The following ZBTB7A variants were observed in gnomAD, a reference collection of about 807,000 sequenced individuals.
The protein encoded by ZBTB7A is zinc finger and BTB domain containing 7A.
A neutral mutation model predicts 26.7 loss-of-function variants in ZBTB7A; 7 were observed. That is an observed-to-expected ratio of 0.26 (90% CI 0.15 to 0.49). ZBTB7A has a LOEUF of 0.49. Ranked by LOEUF, ZBTB7A falls within the 20% of genes least tolerant of loss-of-function variation. The pLI is 0.98. For missense variants in ZBTB7A, 617 were observed against 919.5 expected, an observed-to-expected ratio of 0.67 and a Z score of 4.25; for synonymous variants, 452 against 441.0, an observed-to-expected ratio of 1.02 and a Z score of -0.31.
intron 1 of ZBTB7A, chr19:4,062,891 G>A: frequency 6.5e-6 from 1 of 152,994 alleles, no homozygotes; most frequent in Non-Finnish European, 1.5e-5. Flanking sequence ...CAACACTCTA[G>A]GGCTGATGAC....
In ZBTB7A at chr19:4,054,874, C is replaced by G. The variant is rs2040559693; in HGVS notation, c.359G>C (p.Ser120Thr). 1.9e-6 allele frequency: 3 copies of G among 1,610,336 alleles called. No individual in the cohort carries two copies. Among genetic ancestry groups the G allele is most frequent in the East Asian group, 2.2e-5 (1 of 44,740 alleles). Residue 120 changes from serine to threonine, a missense_variant, in exon 2 of 3, where the codon AGC becomes ACC. Physicochemically the swap from Ser to Thr is moderately conservative, Grantham distance 58 (BLOSUM62 1). Transcript: ENST00000322357. ...GTCCAGGAGGTCGGCGCACACGTGG[C>G]TCACGGCGGGGATCTCCAGCAGGCG... The part of the protein sequence containing the change: ...AARLLEIPAV[S>T]HVCADLLDRQ...
intron 1 of ZBTB7A, chr19:4,065,440 G>C (rs1297277546): frequency 6.8e-6 from 1 of 146,476 alleles, no homozygotes; most frequent in African/African-American, 2.5e-5. Context: ...CTCCTTCCCG[G>C]GGCAGCGGCG....
In ZBTB7A at chr19:4,048,786, G is replaced by C. The variant is rs2040457807; in HGVS notation, c.1263-542C>G. On this transcript the variant is annotated intron_variant, in intron 2 of 2. Transcript: ENST00000322357. This position sits in a 1 kb window ranked among gnomAD's most constrained non-coding sequence, Gnocchi z 6.7. Reference sequence around the variant, plus strand: ...GAGGATCACTTGTATCTGGGAGGTGGAGGTTGCAGTGAAACTCCGTCTCAA... The same window carrying C: ...GAGGATCACTTGTATCTGGGAGGTGCAGGTTGCAGTGAAACTCCGTCTCAA... 6.6e-6 allele frequency among the ~76,000 whole-genome samples: 1 copy of C among 152,020 alleles called. No individual in the cohort carries two copies. The highest frequency in any genetic ancestry group is 3.4e-3 in the Middle Eastern group (1 of 294).
rs551561293 is a variant in ZBTB7A, at chr19:4,048,452, G to C, written c.1263-208C>G. 6.6e-6 allele frequency among the ~76,000 whole-genome samples: 1 copy of C among 152,298 alleles called. No individual in the cohort carries two copies. Among genetic ancestry groups the C allele is most frequent in the East Asian group, 1.9e-4 (1 of 5,172 alleles). Reference sequence around the variant, plus strand: ...TTCGCATTCTGAACATCTAAAGAGGGCCTCGGACCCTGAGTGCTGTGTGGC... The same window carrying C: ...TTCGCATTCTGAACATCTAAAGAGGCCCTCGGACCCTGAGTGCTGTGTGGC... On this transcript the variant is annotated intron_variant, in intron 2 of 2. Transcript: ENST00000322357. This position sits in a 1 kb window ranked among gnomAD's most constrained non-coding sequence, Gnocchi z 6.7.
At chr19:4,049,358 G>A (rs559377722) in intron 2 of ZBTB7A, among the ~76,000 whole-genome samples, 5 of 150,374 alleles carry the variant, frequency 3.3e-5, no homozygotes, top group Admixed American at 1.3e-4. Flanking sequence ...CCCTACCACA[G>A]AAGGAGACAG....
Position 4,044,299 on chromosome 19 carries a change from C to A in ZBTB7A, c.*3453G>T, listed in dbSNP as rs1158447493. ...TCGAGCCTGCCTGGCTGCAGGTCCA[C>A]ACCCATGCCAGGCCGGGCCTGCTCC... On this transcript the variant is annotated 3_prime_UTR_variant, in exon 3 of 3. Transcript: ENST00000322357. 1 of 152,012 alleles carries A rather than the reference C, an allele frequency of 6.6e-6. No homozygotes were observed. The highest frequency in any genetic ancestry group is 1.5e-5 in the Non-Finnish European group (1 of 67,986). The allele number at this position is 152,012 out of a possible 1,614,324, so 9.4% of individuals were successfully genotyped here.
chr19:4,046,277 G>A lies in ZBTB7A; in HGVS notation c.*1475C>T. The stretch of plus-strand genomic sequence containing the variant: ...GGGCGTCTCCCAGGTCCCCTGCGAT[G>A]GCTTCCTCCTGAACCCCCCTTCTCG... On this transcript the variant is annotated 3_prime_UTR_variant, in exon 3 of 3. Coordinates refer to ENST00000322357, the MANE Select transcript of ZBTB7A (RefSeq NM_015898.4). The A allele has an allele frequency of 2.6e-6, 1 of 390,942 alleles. No homozygotes were observed. The highest frequency in any genetic ancestry group is 4.5e-6 in the Non-Finnish European group (1 of 221,810). 24.2% of individuals were successfully genotyped at this position (390,942 alleles called of 1,614,324 possible).
chr19:4,059,500 A>G (rs536690966), intron 1 of ZBTB7A, among the ~76,000 whole-genome samples: 1 of 152,230 alleles, frequency 6.6e-6, no homozygotes, highest in East Asian at 1.9e-4. Flanking sequence ...TCAGCCAAGG[A>G]AAGCCCCCGT....
At chr19:4,051,106 A>G (rs2040500438) in intron 2 of ZBTB7A, among the ~76,000 whole-genome samples, 1 of 148,742 alleles carries the variant, frequency 6.7e-6, no homozygotes, top group Non-Finnish European at 1.5e-5. Context: ...CAAAAAAAAA[A>G]AAAAAAAAAA....
At position 4,045,836 on chromosome 19, in the gene ZBTB7A, G is replaced by A. The variant is rs919491658; in HGVS notation, c.*1916C>T. Reference sequence around the variant, plus strand: ...GGGCCTTGTGGGAGCCAGAGGTTGGGGGGAGGCAGGTCCCAGTCCCCCTGG... The same window carrying A: ...GGGCCTTGTGGGAGCCAGAGGTTGGAGGGAGGCAGGTCCCAGTCCCCCTGG... On this transcript the variant is annotated 3_prime_UTR_variant, in exon 3 of 3. Transcript: ENST00000322357. The surrounding 1 kb of genome is among the most constrained non-coding windows in gnomAD (Gnocchi z 4.1). 7 of 398,676 alleles carry A rather than the reference G, an allele frequency of 1.8e-5. No individual in the cohort carries two copies. Among genetic ancestry groups the A allele is most frequent in the East Asian group, 3.6e-5 (1 of 28,066 alleles). The allele number at this position is 398,676 out of a possible 1,614,324, so 24.7% of individuals were successfully genotyped here.
intron 1 of ZBTB7A, among the ~76,000 whole-genome samples, chr19:4,058,363 A>G (rs1213658981): frequency 6.6e-6 from 1 of 152,110 alleles, no homozygotes; most frequent in Non-Finnish European, 1.5e-5. Context: ...CAGTCTCCCT[A>G]TCTGTCAAAT....
At chr19:4,065,390 C>T (rs2040684656) in intron 1 of ZBTB7A, 2 of 145,086 alleles carry the variant, frequency 1.4e-5, no homozygotes, top group Admixed American at 6.8e-5. Context: ...CCGCCCGGCC[C>T]GCGGTCCCCC....
chr19:4,050,835 AC>A (rs1488352801), intron 2 of ZBTB7A, among the ~76,000 whole-genome samples: 2 of 152,060 alleles, frequency 1.3e-5, no homozygotes, highest in Non-Finnish European at 2.9e-5. Flanking sequence ...ATGGTGGCTC[AC>A]ACCTGTAACC....
rs2040437886 is a variant in ZBTB7A, at chr19:4,047,630, G to T, written c.*122C>A. On this transcript the variant is annotated 3_prime_UTR_variant, in exon 3 of 3. Coordinates refer to ENST00000322357, the MANE Select transcript of ZBTB7A (RefSeq NM_015898.4). Reference sequence around the variant, plus strand: ...ATATATATCTGTATATATATATATAGATATAGATATCTGTATATAGATAGA... The same window carrying T: ...ATATATATCTGTATATATATATATATATATAGATATCTGTATATAGATAGA... 1.5e-5 allele frequency: 12 copies of T among 815,478 alleles called. No homozygotes were observed. The highest frequency in any genetic ancestry group is 2.0e-5 in the South Asian group (1 of 49,868). 50.5% of individuals were successfully genotyped at this position (815,478 alleles called of 1,614,324 possible).
intron 1 of ZBTB7A, among the ~76,000 whole-genome samples, chr19:4,064,373 A>G (rs1197559836): frequency 6.6e-6 from 1 of 152,150 alleles, no homozygotes; most frequent in East Asian, 1.9e-4. Flanking sequence ...GGCTGGTGGT[A>G]AACAGAGGCC....
At position 4,054,522 on chromosome 19, in the gene ZBTB7A, G is replaced by T. The variant is rs1204546080; in HGVS notation, c.711C>A (p.Gly237=). ...ERPPTGDGDE[G]DSNPGLWPER... ...CTGGCCACAGACCCGGGTTGCTGTC[G>T]CCCTCGTCCCCGTCCCCCGTCGGGG... Residue 237 remains glycine, a synonymous_variant, in exon 2 of 3, where the codon GGC becomes GGA. Coordinates refer to ENST00000322357, the MANE Select transcript of ZBTB7A (RefSeq NM_015898.4). The T allele has an allele frequency of 3.5e-6, 5 of 1,433,274 alleles. No individual in the cohort carries two copies. The highest frequency in any genetic ancestry group is 4.5e-6 in the Non-Finnish European group (5 of 1,103,852). 88.8% of individuals were successfully genotyped at this position (1,433,274 alleles called of 1,614,324 possible). A position where few individuals can be genotyped will look rare whatever the true frequency, so the allele number is the denominator to read the frequency against.
At chr19:4,049,211 T>TATATATATATATATATATATATATATATA (rs1265213875) in intron 2 of ZBTB7A, among the ~76,000 whole-genome samples, 1 of 43,166 alleles carries the variant, frequency 2.3e-5, no homozygotes, top group African/African-American at 5.2e-5. Flanking sequence ...TATATATATG[T>TATATATATATATATATATATATATATATA]AAGTTTGAGA....
intron 1 of ZBTB7A, among the ~76,000 whole-genome samples, chr19:4,063,495 C>G (rs145219786): frequency 2.1e-3 from 326 of 152,336 alleles, no homozygotes; most frequent in Non-Finnish European, 3.6e-3. Flanking sequence ...GTGCGCCAGC[C>G]AGGGCCTGCC....
chr19:4,061,405 G>A (rs2040636396), intron 1 of ZBTB7A, among the ~76,000 whole-genome samples: 1 of 152,070 alleles, frequency 6.6e-6, no homozygotes, highest in Admixed American at 6.5e-5. Context: ...GTGTTGCAAG[G>A]TTGGTCCCGA....
Sources: allele counts gnomAD v4.1 joint callset (sites outside exome capture counted in the v4.1 genomes callset), GRCh38; gene constraint gnomAD v4.1.1; non-coding constraint Gnocchi (gnomAD v3.1); transcripts MANE v1.5; gene names NCBI Gene and HGNC (gene_info 2026-07-23, HGNC 2026-07-21).